The following HUWE1 variants were observed in gnomAD, a reference collection of about 807,000 sequenced individuals.
HUWE1 encodes the protein E3 ubiquitin-protein ligase HUWE1.
A neutral mutation model predicts 299.4 loss-of-function variants in HUWE1; 18 were observed. The observed-to-expected ratio is 0.06, with a 90% CI of 0.04 to 0.09. The LOEUF is 0.09. Among genes scored for constraint, HUWE1 ranks in the 10% least tolerant of loss-of-function variants. HUWE1 has a pLI of 1.00. For missense variants in HUWE1, 1,832 were observed against 3,462.3 expected, an observed-to-expected ratio of 0.53 and a Z score of 11.82; for synonymous variants, 1,317 against 1,286.1, an observed-to-expected ratio of 1.02 and a Z score of -0.51.
At position 53,580,961 on chromosome X, in the gene HUWE1, G is replaced by A. The variant is rs142982950; in HGVS notation, c.5586C>T (p.Leu1862=). Residue 1862 remains leucine (L), a synonymous_variant, in exon 43 of 84, where the codon CTC becomes CTT. Coordinates refer to ENST00000262854, the MANE Select transcript of HUWE1 (RefSeq NM_031407.7). ...GGATGTAGTTGATCTCCCGAGAGCC[G>A]AGGCTGCCAGACACAACACCAGAGG... is the stretch of plus-strand genomic sequence containing the variant. ...STTSGVVSGS[L]GSREINYILR... 149 of 1,207,766 alleles carry A rather than the reference G, an allele frequency of 1.2e-4. No individual in the cohort carries two copies. The highest frequency in any genetic ancestry group is 1.6e-4 in the Non-Finnish European group (142 of 894,088).
intron 8 of HUWE1, 73 bp from the exon 9 acceptor site, chrX:53,632,637 C>T (rs1291011860): frequency 2.1e-5 from 16 of 767,506 alleles, no homozygotes; most frequent in Non-Finnish European, 3.0e-5. Context: ...CCACATCTTC[C>T]CTCAAAGTCC....
chrX:53,686,456 G>C (rs2070429350), intron 1 of HUWE1, 88 bp from the exon 2 acceptor site: 1 of 112,941 alleles, frequency 8.9e-6, no homozygotes. Context: ...GGCTCCCCAA[G>C]GCCGCCACCT....
intron 19 of HUWE1, among the ~76,000 whole-genome samples, chrX:53,621,701 C>A (rs2066158081): frequency 9.0e-6 from 1 of 111,273 alleles, no homozygotes; most frequent in African/African-American, 3.3e-5. Context: ...TCCTGCTTCC[C>A]CTCACTCAAC....
At chrX:53,535,880 C>T (rs2061025025) in intron 80 of HUWE1, 1 of 358,970 alleles carries the variant, frequency 2.8e-6, no homozygotes, top group Non-Finnish European at 4.8e-6. Flanking sequence ...TACGATTTTT[C>T]TACAAAGACC....
intron 43 of HUWE1, 70 bp from the exon 44 acceptor site, chrX:53,577,137 C>T: frequency 1.3e-6 from 1 of 798,740 alleles, no homozygotes; most frequent in Non-Finnish European, 1.9e-6. Context: ...CTAATAAAGA[C>T]TCAGAAGGGG....
intron 19 of HUWE1, 21 bp downstream of exon 19, chrX:53,624,574 C>A (rs2066363723): frequency 1.8e-6 from 2 of 1,090,178 alleles, no homozygotes; most frequent in Non-Finnish European, 2.5e-6. Flanking sequence ...ATTGTTATAA[C>A]CAACTATCAA....
intron 7 of HUWE1, among the ~76,000 whole-genome samples, chrX:53,642,794 T>G (rs963420400): frequency 8.9e-6 from 1 of 112,787 alleles, no homozygotes; most frequent in African/African-American, 3.2e-5. Context: ...CCTATCCATA[T>G]CCTTTGCTCA....
intron 17 of HUWE1, 200 bp from the exon 18 acceptor site, chrX:53,625,458 C>CT (rs1557016268): frequency 2.8e-6 from 1 of 363,039 alleles, no homozygotes; most frequent in Non-Finnish European, 4.8e-6. Context: ...TTAATTTTAC[C>CT]AATACTAAAA....
At chrX:53,627,537 TAAGAAA>T in intron 16 of HUWE1, 22 bp from the exon 17 acceptor site, 1 of 1,020,336 alleles carries the variant, frequency 9.8e-7, no homozygotes, top group Admixed American at 2.2e-5. Flanking sequence ...AGAAAGGTTA[TAAGAAA>T]ATCAAGTATA....
intron 3 of HUWE1, among the ~76,000 whole-genome samples, chrX:53,665,653 A>G (rs1246217464): frequency 1.8e-5 from 2 of 112,487 alleles, no homozygotes; most frequent in Admixed American, 9.4e-5. Flanking sequence ...ATGGCTCACC[A>G]AAGTTGCAGA....
At position 53,630,954 on chromosome X, in the gene HUWE1, C is replaced by T. The variant is rs1490091475; in HGVS notation, c.843G>A (p.Leu281=). Residue 281 remains leucine, a synonymous_variant, in exon 12 of 84, where the codon CTG becomes CTA. Transcript: ENST00000262854. ...RKRLQAVQAR[L]HAISILVYSN... ...TCTTACCTAATATAGATATTGCATG[C>T]AGTCTGGCCTGAACTGCCTGCAATC... 39 of 1,168,104 alleles carry T rather than the reference C, an allele frequency of 3.3e-5. No individual in the cohort carries two copies. The highest frequency in any genetic ancestry group is 4.3e-5 in the Admixed American group (2 of 45,994).
At chrX:53,592,730 C>G in intron 32 of HUWE1, 102 bp from the exon 33 acceptor site, 2 of 602,679 alleles carry the variant, frequency 3.3e-6, no homozygotes, top group Non-Finnish European at 5.5e-6. Flanking sequence ...ACAACTAGTA[C>G]CAGCAACAAA....
intron 83 of HUWE1, 76 bp from the exon 84 acceptor site, chrX:53,533,487 C>T: frequency 1.5e-6 from 1 of 688,321 alleles, no homozygotes; most frequent in South Asian, 2.3e-5. Flanking sequence ...TGGTGCCCAC[C>T]AGCCCCTCCC....
chrX:53,533,037 CCTGCAAAGGCTA>C lies in HUWE1; in HGVS notation c.*260_*271del. ...TTCAAACAGTTGGGACAGACAGGTC[CCTGCAAAGGCTA>C]CTGCCTTTTTAAAACACATGGGGTG... On this transcript the variant is annotated 3_prime_UTR_variant, in exon 84 of 84. Coordinates refer to ENST00000262854, the MANE Select transcript of HUWE1 (RefSeq NM_031407.7). 2.7e-6 allele frequency: 1 copy of C among 363,784 alleles called. No individual in the cohort carries two copies. The highest frequency in any genetic ancestry group is 4.8e-6 in the Non-Finnish European group (1 of 206,724). The allele number at this position is 363,784 out of a possible 1,213,427, so 30.0% of individuals were successfully genotyped here. A position where few individuals can be genotyped will look rare whatever the true frequency, so the allele number is the denominator to read the frequency against.
At chrX:53,609,129 A>C (rs1556999664) in intron 23 of HUWE1, among the ~76,000 whole-genome samples, 1 of 111,377 alleles carries the variant, frequency 9.0e-6, no homozygotes, top group African/African-American at 3.3e-5. Flanking sequence ...GGTAGAGATG[A>C]GCCTTTAGAC....
chrX:53,578,750 A>C, intron 43 of HUWE1, among the ~76,000 whole-genome samples: 2 of 52,686 alleles, frequency 3.8e-5, no homozygotes, highest in Non-Finnish European at 6.9e-5. Flanking sequence ...GGCCGCCCCT[A>C]CTGGGAAGTG....
chrX:53,671,192 G>A lies in HUWE1; in HGVS notation c.-25+8857C>T, dbSNP rs1300284594. ...ATTGGGTTCAGTGTATACTGCTCCA[G>A]TGATGGGTGCACCAAAATCTCACAA... On this transcript the variant is annotated intron_variant, in intron 3 of 83. Transcript: ENST00000262854. Among the ~76,000 whole-genome samples, 3 of 111,556 alleles carry A rather than the reference G, an allele frequency of 2.7e-5. No individual in the cohort carries two copies. The East Asian group carries it at 8.4e-4, about 31-fold the overall frequency.
In HUWE1 at chrX:53,560,224, C is replaced by A; in HGVS notation, c.7700G>T (p.Gly2567Val). The A allele has an allele frequency of 8.3e-7, 1 of 1,203,241 alleles. No homozygotes were observed. The highest frequency in any genetic ancestry group is 1.1e-6 in the Non-Finnish European group (1 of 891,302). ...AAGAGGAGGGTTGGGCTGGCGATTCCCAGGGTAGTGAACATGAATGGTGTG... is the reference window on the plus strand; with the variant it reads ...AAGAGGAGGGTTGGGCTGGCGATTCACAGGGTAGTGAACATGAATGGTGTG... ...TGHTIHVHYPGNRQPNPPLIL... is the reference protein window; with the variant it reads ...TGHTIHVHYPVNRQPNPPLIL... Residue 2567 changes from glycine to valine, a missense_variant, in exon 56 of 84, where the codon GGG becomes GTG. By Grantham distance (109) the Gly-to-Val change is moderately radical. This residue lies in a region of HUWE1 where 170 missense variants were observed against 335.8 expected (regional missense o/e 0.51). Transcript: ENST00000262854.
intron 7 of HUWE1, among the ~76,000 whole-genome samples, chrX:53,635,130 A>G (rs2067125903): frequency 9.0e-6 from 1 of 110,784 alleles, no homozygotes; most frequent in Non-Finnish European, 1.9e-5. Context: ...GAAAGAAATG[A>G]GATATTATTT....
Sources: gnomAD v4.1 joint callset for allele counts (sites outside exome capture counted in the v4.1 genomes callset) on GRCh38, gnomAD v4.1.1 for gene constraint, gnomAD v4.1.1 regional missense constraint, MANE v1.5 for transcripts, NCBI Gene and HGNC (gene_info 2026-07-23, HGNC 2026-07-21) for gene names.